The following PRRG2 variants were observed in gnomAD, a reference collection of about 807,000 sequenced individuals.
PRRG2 encodes the protein transmembrane gamma-carboxyglutamic acid protein 2.
Under a neutral mutation model 27.1 loss-of-function variants are expected in PRRG2, and 23 were observed. That is an observed-to-expected ratio of 0.85 (90% CI 0.61 to 1.20). The LOEUF is 1.20. Among genes scored for constraint, PRRG2 ranks in the 50% most tolerant of loss-of-function variants. The probability of loss-of-function intolerance (pLI) is 0.00; values close to 1 mark genes in which losing one functional copy is unlikely to be tolerated. For synonymous variants in PRRG2, 104 were observed against 103.4 expected (o/e 1.01, Z -0.03); for missense variants, 276 against 254.8 (o/e 1.08, Z -0.57).
Position 49,590,076 on chromosome 19 carries a change from G to T in PRRG2, c.590+24G>T, listed in dbSNP as rs958541694. The stretch of plus-strand genomic sequence containing the variant: ...AGGTATGGGGCGTGGCTTCTGCCCG[G>T]GGGCGGGGCGCAGAGGGGTGGGCAC... On this transcript the variant is annotated intron_variant, in intron 6 of 6. Transcript: ENST00000246794. 2.0e-5 allele frequency: 29 copies of T among 1,476,278 alleles called. No individual in the cohort carries two copies. The African/African-American group carries it at 4.1e-4, about 21-fold the overall frequency. The allele number at this position is 1,476,278 out of a possible 1,614,324, so 91.4% of individuals were successfully genotyped here. A position where few individuals can be genotyped will look rare whatever the true frequency, so the allele number is the denominator to read the frequency against.
intron 4 of PRRG2, among the ~76,000 whole-genome samples, chr19:49,586,632 C>T (rs112116817): frequency 6.6e-6 from 1 of 151,920 alleles, no homozygotes; most frequent in Non-Finnish European, 1.5e-5. Context: ...GCGGGTGGAT[C>T]ACGAGGTCAA....
intron 5 of PRRG2, among the ~76,000 whole-genome samples, chr19:49,588,861 T>C (rs2080692388): frequency 6.6e-6 from 1 of 152,166 alleles, no homozygotes; most frequent in Non-Finnish European, 1.5e-5. Flanking sequence ...TGACCACTTT[T>C]GCTGCCAGCC....
rs761664639 is a variant in PRRG2, at chr19:49,588,598, C to T, written c.403C>T (p.Arg135Ter). Residue 135 changes from arginine (R) to a stop codon, truncating the protein, a stop_gained, in exon 5 of 7, where the codon CGA (arginine) becomes TGA (stop). Coordinates refer to ENST00000246794, the MANE Select transcript of PRRG2 (RefSeq NM_000951.3). LOFTEE classifies it high-confidence loss of function. ...GGGAGCCTTTTGGTATCTGCGCTGG[C>T]GACAGCACCGAGGCCAGCAGCCCTG... is the stretch of plus-strand genomic sequence containing the variant. ...GLGAFWYLRW[R>*]QHRGQQPCPQ... 1.7e-5 allele frequency: 27 copies of T among 1,547,144 alleles called. No homozygotes were observed. The highest frequency in any genetic ancestry group is 1.4e-4 in the African/African-American group (10 of 72,828).
chr19:49,584,014 C>T, intron 4 of PRRG2, 62 bp downstream of exon 4: 1 of 1,500,544 alleles, frequency 6.7e-7, no homozygotes. Context: ...CCCAGCGAGG[C>T]CAAACCAACG....
rs144417296 is a variant in PRRG2 at position 49,588,533 on chromosome 19, G to A, written c.338G>A (p.Gly113Glu). Reference sequence around the variant, plus strand: ...GTGGATGTGGCCAGCCTGGCTGTGGGGCTGACAGGTGGCATCCTGCTCATT... The same window carrying A: ...GTGGATGTGGCCAGCCTGGCTGTGGAGCTGACAGGTGGCATCCTGCTCATT... ...GRVDVASLAV[G>E]LTGGILLIVL... Residue 113 changes from glycine (G) to glutamate (E), a missense_variant, in exon 5 of 7, where the codon GGG (glycine) becomes GAG (glutamate). Physicochemically the swap from Gly to Glu is moderately conservative, Grantham distance 98. Coordinates refer to ENST00000246794, the MANE Select transcript of PRRG2 (RefSeq NM_000951.3). 2.7e-4 allele frequency: 421 copies of A among 1,585,704 alleles called. No homozygotes were observed. Among genetic ancestry groups the A allele is most frequent in the Middle Eastern group, 8.3e-4 (5 of 6,016 alleles).
chr19:49,585,934 G>T (rs2080665528), intron 4 of PRRG2, among the ~76,000 whole-genome samples: 1 of 151,962 alleles, frequency 6.6e-6, no homozygotes, highest in African/African-American at 2.4e-5. Flanking sequence ...ACAGAAATTA[G>T]CTGGGCATGG....
At position 49,590,197 on chromosome 19, in the gene PRRG2, T is replaced by C. The variant is rs4429389; in HGVS notation, c.590+145T>C. Reference sequence around the variant, plus strand: ...AGTGCGGGGGCGGGGCCCCATGCAATGGTCTAGGGGCGTGGCCCAGCGTTG... The same window carrying C: ...AGTGCGGGGGCGGGGCCCCATGCAACGGTCTAGGGGCGTGGCCCAGCGTTG... On this transcript the variant is annotated intron_variant, in intron 6 of 6. Transcript: ENST00000246794. The C allele has an allele frequency of 1.1e-5, 15 of 1,383,904 alleles. No individual in the cohort carries two copies. The South Asian group carries it at 1.3e-4, about 12-fold the overall frequency. 85.7% of individuals were successfully genotyped at this position (1,383,904 alleles called of 1,614,324 possible).
chr19:49,583,183 C>A, intron 1 of PRRG2, 24 bp from the exon 2 acceptor site: 1 of 1,590,096 alleles, frequency 6.3e-7, no homozygotes, highest in South Asian at 1.1e-5. Context: ...AGGCCCTTGT[C>A]AGCTGTAACA....
intron 1 of PRRG2, among the ~76,000 whole-genome samples, chr19:49,582,668 C>T (rs556573292): frequency 6.6e-6 from 1 of 151,970 alleles, no homozygotes; most frequent in African/African-American, 2.4e-5. Context: ...GAGATCGAGA[C>T]CATCCTGACT....
chr19:49,580,927 T>C (rs2080617539), upstream of PRRG2, among the ~76,000 whole-genome samples: 1 of 152,074 alleles, frequency 6.6e-6, no homozygotes, highest in African/African-American at 2.4e-5. Flanking sequence ...CTTAAAACAA[T>C]TGAGAAGAGA....
intron 3 of PRRG2, 40 bp from the exon 4 acceptor site, chr19:49,583,873 C>A (rs2080648173): frequency 6.2e-7 from 1 of 1,610,152 alleles, no homozygotes; most frequent in Non-Finnish European, 8.5e-7. Context: ...CAGCTGAATT[C>A]CTGCTTTTTC....
intron 1 of PRRG2, among the ~76,000 whole-genome samples, chr19:49,582,816 G>A (rs1568415663): frequency 6.6e-6 from 1 of 151,980 alleles, no homozygotes; most frequent in Non-Finnish European, 1.5e-5. Flanking sequence ...TGCAGTGAGC[G>A]GAGATCACAC....
intron 4 of PRRG2, among the ~76,000 whole-genome samples, chr19:49,584,255 C>T (rs1440294049): frequency 6.6e-6 from 1 of 151,498 alleles, no homozygotes; most frequent in Non-Finnish European, 1.5e-5. Context: ...ACTGCAAGCT[C>T]CGCCTCCCGG....
chr19:49,587,776 C>T (rs907265796), intron 4 of PRRG2, among the ~76,000 whole-genome samples: 3 of 151,444 alleles, frequency 2.0e-5, no homozygotes, highest in Admixed American at 6.6e-5. Context: ...TGAGCCACCG[C>T]GCCTGGCTAA....
chr19:49,590,515 C>A lies in PRRG2; in HGVS notation c.*126C>A. Reference sequence around the variant, plus strand: ...GGGGAATGGTGGGAGTAGGGGTCATCCGGCCCGAGGCCTGCCCTGGCACAC... The same window carrying A: ...GGGGAATGGTGGGAGTAGGGGTCATACGGCCCGAGGCCTGCCCTGGCACAC... On this transcript the variant is annotated 3_prime_UTR_variant, in exon 7 of 7. Transcript: ENST00000246794. 2 of 1,358,432 alleles carry A rather than the reference C, an allele frequency of 1.5e-6. No homozygotes were observed. Among genetic ancestry groups the A allele is most frequent in the South Asian group, 1.2e-5 (1 of 81,104 alleles). The allele number at this position is 1,358,432 out of a possible 1,614,324, so 84.1% of individuals were successfully genotyped here.
In PRRG2 at chr19:49,590,758, C is replaced by T. The variant is rs1296296637; in HGVS notation, c.*369C>T. On this transcript the variant is annotated 3_prime_UTR_variant, in exon 7 of 7. Transcript: ENST00000246794. ...GACCTGACAGCCCCCTCCAGTGCCA[C>T]AGGGTACGCACACGCAGAGCCCCGC... 5.3e-5 allele frequency: 17 copies of T among 321,630 alleles called. No homozygotes were observed. The East Asian group carries it at 1.4e-3, about 26-fold the overall frequency. 19.9% of individuals were successfully genotyped at this position (321,630 alleles called of 1,614,324 possible).
intron 6 of PRRG2, 78 bp from the exon 7 acceptor site, chr19:49,590,293 C>A: frequency 1.9e-6 from 3 of 1,600,470 alleles, no homozygotes; most frequent in South Asian, 1.1e-5. Flanking sequence ...ACGCCAAGGG[C>A]GGTCGGAGTG....
intron 1 of PRRG2, among the ~76,000 whole-genome samples, 180 bp from the exon 2 acceptor site, chr19:49,583,027 T>A (rs112793598): frequency 2.0e-5 from 3 of 149,908 alleles, no homozygotes; most frequent in Non-Finnish European, 3.0e-5. Context: ...CGAGACTCCA[T>A]GTCAAAAAAA....
chr19:49,585,515 TG>T (rs754427776), intron 4 of PRRG2, among the ~76,000 whole-genome samples: 1 of 152,132 alleles, frequency 6.6e-6, no homozygotes, highest in Non-Finnish European at 1.5e-5. Flanking sequence ...GGGTTTACTG[TG>T]GTCAGATGTG....
Sources: allele counts gnomAD v4.1 joint callset (sites outside exome capture counted in the v4.1 genomes callset), GRCh38; gene constraint gnomAD v4.1.1; transcripts MANE v1.5; gene names NCBI Gene and HGNC (gene_info 2026-07-23, HGNC 2026-07-21).